The following ZNF892 variants were observed in gnomAD, a reference collection of about 807,000 sequenced individuals.
ZNF892 encodes the protein zinc finger protein 570-like.
At chr2:95,208,535 G>A in the ZNF892 span, 2 of 397,072 alleles carry the variant, frequency 5.0e-6, no homozygotes, top group Non-Finnish European at 8.9e-6. Context: ...TGCGATTTTC[G>A]TTTGGTTCCC....
At chr2:95,245,458 G>GC in the ZNF892 span, among the ~76,000 whole-genome samples, 2 of 110,946 alleles carry the variant, frequency 1.8e-5, no homozygotes, top group African/African-American at 7.5e-5. Flanking sequence ...GGCGGGGGGG[G>GC]GGGGGTTTCA....
chr2:95,211,165 T>C, the ZNF892 span, among the ~76,000 whole-genome samples: 1 of 152,198 alleles, frequency 6.6e-6, no homozygotes, highest in African/African-American at 2.4e-5. Flanking sequence ...ATTTTTAATA[T>C]ATATGGGACT....
chr2:95,242,173 C>T, the ZNF892 span, among the ~76,000 whole-genome samples: 28 of 152,280 alleles, frequency 1.8e-4, no homozygotes, highest in Admixed American at 9.8e-4. Flanking sequence ...AGAAAATCAA[C>T]TCTAAGACAT....
the ZNF892 span, among the ~76,000 whole-genome samples, chr2:95,232,266 A>G: frequency 6.6e-6 from 1 of 152,196 alleles, no homozygotes; most frequent in East Asian, 1.9e-4. Flanking sequence ...AGCATTTACC[A>G]TGCATCAGGC....
chr2:95,260,350 C>G, the ZNF892 span, among the ~76,000 whole-genome samples: 1 of 152,176 alleles, frequency 6.6e-6, no homozygotes, highest in South Asian at 2.1e-4. Context: ...GAAACAGTGT[C>G]TGGCCTCCGT....
At chr2:95,255,032 C>T in the ZNF892 span, among the ~76,000 whole-genome samples, 3 of 152,132 alleles carry the variant, frequency 2.0e-5, no homozygotes, top group Non-Finnish European at 2.9e-5. Flanking sequence ...AAAACCAGCT[C>T]CTGGATTCAT....
the ZNF892 span, among the ~76,000 whole-genome samples, chr2:95,230,194 A>G: frequency 6.6e-6 from 1 of 152,174 alleles, no homozygotes; most frequent in South Asian, 2.1e-4. Context: ...TAAGAATGAT[A>G]TAATGGATTT....
chr2:95,220,755 T>C, the ZNF892 span, among the ~76,000 whole-genome samples: 1 of 152,224 alleles, frequency 6.6e-6, no homozygotes, highest in African/African-American at 2.4e-5. Context: ...ATCAGCCTGC[T>C]TCATCTAGCT....
At chr2:95,214,850 T>C in the ZNF892 span, 3 of 502,452 alleles carry the variant, frequency 6.0e-6, no homozygotes, top group Admixed American at 9.3e-5. Flanking sequence ...GAATTCATAC[T>C]GGGGAGAAAC....
the ZNF892 span, among the ~76,000 whole-genome samples, chr2:95,227,325 A>T: frequency 6.6e-6 from 1 of 151,238 alleles, no homozygotes; most frequent in Non-Finnish European, 1.5e-5. Context: ...GTATTTTTTT[A>T]TTTTATTTTA....
chr2:95,208,511 A>G, the ZNF892 span: 1 of 396,678 alleles, frequency 2.5e-6, no homozygotes, highest in African/African-American at 2.1e-5. Flanking sequence ...AGGTGTCTTG[A>G]TTAAAAGATA....
the ZNF892 span, among the ~76,000 whole-genome samples, chr2:95,206,857 A>G: frequency 3.9e-5 from 6 of 152,266 alleles, no homozygotes; most frequent in East Asian, 1.2e-3. Context: ...CCAGCTAGAG[A>G]GAGTCTTATT....
At chr2:95,234,886 A>T in the ZNF892 span, among the ~76,000 whole-genome samples, 1 of 152,232 alleles carries the variant, frequency 6.6e-6, no homozygotes, top group Admixed American at 6.5e-5. Flanking sequence ...AGGGAAACAC[A>T]TGAATCTGGT....
At chr2:95,238,876 C>T in the ZNF892 span, among the ~76,000 whole-genome samples, 5 of 152,066 alleles carry the variant, frequency 3.3e-5, no homozygotes, top group African/African-American at 9.7e-5. Context: ...CGGTGGCTCA[C>T]GCCTGTAATC....
the ZNF892 span, among the ~76,000 whole-genome samples, chr2:95,256,991 T>C: frequency 1.3e-5 from 2 of 152,116 alleles, no homozygotes; most frequent in Non-Finnish European, 2.9e-5. Context: ...TTTTTCAAGG[T>C]TTTTAACTTC....
the ZNF892 span, among the ~76,000 whole-genome samples, chr2:95,208,402 A>G: frequency 1.3e-5 from 2 of 152,252 alleles, no homozygotes; most frequent in Non-Finnish European, 2.9e-5. Flanking sequence ...TAGCACATGC[A>G]ATATAAAAAT....
the ZNF892 span, among the ~76,000 whole-genome samples, chr2:95,242,823 C>CTCTCCCTCTCCCCACGG: frequency 1.3e-5 from 2 of 151,998 alleles, no homozygotes; most frequent in East Asian, 1.9e-4. Context: ...GTCCCTCTCC[C>CTCTCCCTCTCCCCACGG]TCTCCCTCTC....
chr2:95,207,529 C>G, the ZNF892 span: 4 of 334,114 alleles, frequency 1.2e-5, no homozygotes, highest in East Asian at 4.6e-5. Context: ...GTAGTTCGGC[C>G]TCATGGTTGG....
chr2:95,244,427 C>G, the ZNF892 span, among the ~76,000 whole-genome samples: 18 of 151,622 alleles, frequency 1.2e-4, no homozygotes, highest in Non-Finnish European at 1.6e-4. Flanking sequence ...AGACTTTAAA[C>G]CAACAAAGAT....
Sources: gnomAD v4.1 joint callset for allele counts (sites outside exome capture counted in the v4.1 genomes callset) on GRCh38, gnomAD v4.1.1 for gene constraint, MANE v1.5 for transcripts, NCBI Gene and HGNC (gene_info 2026-07-23, HGNC 2026-07-21) for gene names.